The following CDH20 variants were observed in gnomAD, a reference collection of about 807,000 sequenced individuals.
CDH20 encodes cadherin 20.
Under a neutral mutation model 74.2 loss-of-function variants are expected in CDH20, and 29 were observed. The observed-to-expected ratio is 0.39, with a 90% CI of 0.29 to 0.53. The LOEUF (loss-of-function observed/expected upper bound fraction) is 0.53, where lower values mean the gene tolerates loss of function less well. Among genes scored for constraint, CDH20 ranks in the 20% least tolerant of loss-of-function variants. CDH20 has a pLI of 0.69. For synonymous variants in CDH20, 469 were observed against 405.4 expected, an observed-to-expected ratio of 1.16 and a Z score of -1.88; for missense variants, 988 against 1,048.3, an observed-to-expected ratio of 0.94 and a Z score of 0.79.
At chr18:61,545,203 G>A in intron 10 of CDH20, 59 bp downstream of exon 10, 4 of 1,079,024 alleles carry the variant, frequency 3.7e-6, no homozygotes, top group Non-Finnish European at 5.8e-6. Flanking sequence ...AGCTACTTTG[G>A]GTTACTGTCT....
chr18:61,425,122 C>T (rs955198773), intron 1 of CDH20, among the ~76,000 whole-genome samples: 1 of 151,762 alleles, frequency 6.6e-6, no homozygotes, highest in Non-Finnish European at 1.5e-5. Context: ...CTCCTTCCCT[C>T]CCTGCCCACT....
At chr18:61,507,689 TA>T (rs200287012) in intron 6 of CDH20, 129 bp downstream of exon 6, 45,835 of 451,176 alleles carry the variant, frequency 0.1, 1,643 homozygotes, top group Admixed American at 0.19. Context: ...TCCTATTATT[TA>T]AAAAAAAAAA....
intron 1 of CDH20, among the ~76,000 whole-genome samples, chr18:61,412,657 T>C (rs192731173): frequency 8.5e-5 from 13 of 152,242 alleles, no homozygotes; most frequent in African/African-American, 1.2e-4. Flanking sequence ...AGATTTTAAA[T>C]AGCAATTAAA....
At position 61,347,315 on chromosome 18, in the gene CDH20, T is replaced by TAC. The variant is rs1910152888; in HGVS notation, c.-153+13489_-153+13490insCA. Among the ~76,000 whole-genome samples the TAC allele has an allele frequency of 5.4e-5, 3 of 55,904 alleles. No homozygotes were observed. The East Asian group carries it at 1.2e-3, about 23-fold the overall frequency. The allele number at this position is 55,904 out of a possible 152,430, so 36.7% of individuals were successfully genotyped here. A position where few individuals can be genotyped will look rare whatever the true frequency, so the allele number is the denominator to read the frequency against. ...ATATATATATATATATATATATATA[T>TAC]ATATACACACACACACACACACACA... On this transcript the variant is annotated intron_variant, in intron 1 of 11. Transcript: ENST00000262717.
chr18:61,351,968 CTT>C (rs1368011639), intron 1 of CDH20, among the ~76,000 whole-genome samples: 1 of 152,090 alleles, frequency 6.6e-6, no homozygotes, highest in Non-Finnish European at 1.5e-5. Context: ...TGCATAAAGA[CTT>C]ATTTTGAGAA....
chr18:61,401,082 G>C (rs557440414), intron 1 of CDH20, among the ~76,000 whole-genome samples: 41 of 152,192 alleles, frequency 2.7e-4, no homozygotes, highest in Non-Finnish European at 5.1e-4. Flanking sequence ...TCTCCGTGCA[G>C]CTGCATCTCC....
chr18:61,474,559 C>T (rs969637494), intron 1 of CDH20, among the ~76,000 whole-genome samples: 1 of 152,176 alleles, frequency 6.6e-6, no homozygotes, highest in Non-Finnish European at 1.5e-5. Context: ...GGATTCTACT[C>T]TTTTAATATT....
chr18:61,431,347 G>C (rs1913247456), intron 1 of CDH20, among the ~76,000 whole-genome samples: 1 of 152,050 alleles, frequency 6.6e-6, no homozygotes, highest in Admixed American at 6.6e-5. Flanking sequence ...TGAGATCCTG[G>C]GACAGACAAA....
At chr18:61,520,433 A>C (rs187795414) in intron 6 of CDH20, among the ~76,000 whole-genome samples, 1 of 151,318 alleles carries the variant, frequency 6.6e-6, no homozygotes. Flanking sequence ...ACCCAGATTC[A>C]TAAAGCAAGT....
chr18:61,360,650 G>C (rs1416207708), intron 1 of CDH20, among the ~76,000 whole-genome samples: 1 of 152,202 alleles, frequency 6.6e-6, no homozygotes, highest in African/African-American at 2.4e-5. Context: ...TCACAGGGGA[G>C]ATGACATTTG....
chr18:61,456,647 C>T (rs1025635062), intron 1 of CDH20, among the ~76,000 whole-genome samples: 1 of 151,438 alleles, frequency 6.6e-6, no homozygotes, highest in Non-Finnish European at 1.5e-5. Flanking sequence ...AACACTTTAT[C>T]TTAAAAAAAA....
At chr18:61,449,838 A>C (rs1909322338) in intron 1 of CDH20, among the ~76,000 whole-genome samples, 1 of 152,180 alleles carries the variant, frequency 6.6e-6, no homozygotes, top group Non-Finnish European at 1.5e-5. Flanking sequence ...TTTCTTTAAT[A>C]AATGAAAATC....
At position 61,536,473 on chromosome 18, in the gene CDH20, C is replaced by T. The variant is rs200251931; in HGVS notation, c.1272-20C>T. The stretch of plus-strand genomic sequence containing the variant: ...TGCTTACCCAAATGCAAATGATGTA[C>T]GTAATCCATGTTTCTGCAGATACTC... On this transcript the variant is annotated intron_variant, in intron 7 of 11. Coordinates refer to ENST00000262717, the MANE Select transcript of CDH20 (RefSeq NM_031891.4). 42 of 1,610,616 alleles carry T rather than the reference C, an allele frequency of 2.6e-5. No homozygotes were observed. Among genetic ancestry groups the T allele is most frequent in the Non-Finnish European group, 3.0e-5 (35 of 1,177,306 alleles).
chr18:61,501,399 A>G (rs1467406859), intron 4 of CDH20, among the ~76,000 whole-genome samples: 1 of 152,144 alleles, frequency 6.6e-6, no homozygotes, highest in Non-Finnish European at 1.5e-5. Flanking sequence ...TTTCATAAAC[A>G]TTGCCATATT....
chr18:61,396,525 A>G (rs1911983573), intron 1 of CDH20, among the ~76,000 whole-genome samples: 2 of 152,160 alleles, frequency 1.3e-5, no homozygotes, highest in Admixed American at 1.3e-4. Context: ...ACTTCTAGGA[A>G]TGGAGCTCCT....
chr18:61,448,048 A>G (rs1005428454), intron 1 of CDH20, among the ~76,000 whole-genome samples: 2 of 152,174 alleles, frequency 1.3e-5, no homozygotes, highest in African/African-American at 4.8e-5. Flanking sequence ...AACCCTCACT[A>G]TGAACTTCAG....
At chr18:61,434,259 A>G (rs1042680467) in intron 1 of CDH20, among the ~76,000 whole-genome samples, 1 of 152,176 alleles carries the variant, frequency 6.6e-6, no homozygotes, top group African/African-American at 2.4e-5. Context: ...GATGGGGCCA[A>G]CTAGCATAGC....
In CDH20 at chr18:61,554,988, C is replaced by A. The variant is rs184911482; in HGVS notation, c.*293C>A. ...GTCCAAGGTGTTCTGACAAGGGTGGCTTTTCTCTGCCATTCGCTAAGGCCT... is the reference window on the plus strand; with the variant it reads ...GTCCAAGGTGTTCTGACAAGGGTGGATTTTCTCTGCCATTCGCTAAGGCCT... On this transcript the variant is annotated 3_prime_UTR_variant, in exon 12 of 12. Coordinates refer to ENST00000262717, the MANE Select transcript of CDH20 (RefSeq NM_031891.4). 3.5e-3 allele frequency: 4,287 copies of A among 1,234,530 alleles called. 15 individuals are homozygous for A. The highest frequency in any genetic ancestry group is 4.1e-3 in the Non-Finnish European group (4,068 of 984,538). 76.5% of individuals were successfully genotyped at this position (1,234,530 alleles called of 1,614,324 possible). A position where few individuals can be genotyped will look rare whatever the true frequency, so the allele number is the denominator to read the frequency against.
At chr18:61,347,305 TATATATATATATATACACAC>T (rs1260231321) in intron 1 of CDH20, among the ~76,000 whole-genome samples, 20 of 82,862 alleles carry the variant, frequency 2.4e-4, no homozygotes, top group Admixed American at 1.9e-3. Context: ...TATATATATA[TATATATATATATATACACAC>T]ACACACACAC....
Sources: gnomAD v4.1 joint callset for allele counts (sites outside exome capture counted in the v4.1 genomes callset) on GRCh38, gnomAD v4.1.1 for gene constraint, MANE v1.5 for transcripts, NCBI Gene and HGNC (gene_info 2026-07-23, HGNC 2026-07-21) for gene names.